Variants in LIPC observed in about 807,000 individuals in gnomAD.
The protein encoded by LIPC is hepatic triacylglycerol lipase.
Under a neutral mutation model 50.7 loss-of-function variants are expected in LIPC, and 44 were observed. That is an observed-to-expected ratio of 0.87 (90% confidence interval 0.68 to 1.11). LIPC has a LOEUF of 1.11. Ranked by LOEUF, LIPC falls within the 50% of genes most tolerant of loss-of-function variation. The pLI, the probability that LIPC is intolerant of heterozygous loss-of-function variation, is 0.00. For missense variants in LIPC, 697 were observed against 648.2 expected (o/e 1.08, Z -0.82); for synonymous variants, 271 against 256.4 (o/e 1.06, Z -0.54).
intron 1 of LIPC, among the ~76,000 whole-genome samples, chr15:58,506,009 A>C (rs751211308): frequency 8.6e-5 from 13 of 151,870 alleles, no homozygotes; most frequent in Non-Finnish European, 1.6e-4. Flanking sequence ...CTTGGGTCTC[A>C]TCCTTACTCA....
chr15:58,541,739 G>A lies in LIPC; in HGVS notation c.274-46G>A, dbSNP rs6076. ...AGCTGGAGAAGGAAGAAGGGTGAGC[G>A]GGGAGAAAGGAAACTAGTGCGACCC... On this transcript the variant is annotated intron_variant, in intron 2 of 8. Transcript: ENST00000299022. 0.22 allele frequency: 341,599 copies of A among 1,573,188 alleles called. 49,273 individuals carry two copies. The highest frequency in any genetic ancestry group is 0.79 in the East Asian group (35,100 of 44,312).
At chr15:58,540,943 G>A (rs1243735728) in intron 2 of LIPC, among the ~76,000 whole-genome samples, 1 of 152,068 alleles carries the variant, frequency 6.6e-6, no homozygotes, top group Non-Finnish European at 1.5e-5. Flanking sequence ...TGGGGCTAGA[G>A]GCATGCACCA....
intron 1 of LIPC, among the ~76,000 whole-genome samples, chr15:58,496,186 G>T (rs1346974895): frequency 6.6e-6 from 1 of 152,084 alleles, no homozygotes; most frequent in Non-Finnish European, 1.5e-5. Context: ...GGGCATCTTT[G>T]CTTGGCACAG....
At position 58,538,319 on chromosome 15, in the gene LIPC, A is replaced by G. The variant is rs370218629; in HGVS notation, c.89-14A>G. ...GATGCCAGGCTAAGCACCGTCCCCA[A>G]TCTTATATTGCAGAGCCATTTGGAA... On this transcript the variant is annotated splice_polypyrimidine_tract_variant and intron_variant, in intron 1 of 8. Coordinates refer to ENST00000299022, the MANE Select transcript of LIPC (RefSeq NM_000236.3). The G allele has an allele frequency of 1.6e-5, 26 of 1,613,920 alleles. No homozygotes were observed. In the Admixed American group the frequency reaches 3.2e-4, roughly 20 times the overall value.
intron 1 of LIPC, chr15:58,533,026 T>C (rs1242448004): frequency 3.4e-6 from 1 of 294,214 alleles, no homozygotes; most frequent in Non-Finnish European, 5.0e-6. Flanking sequence ...CCCTAGTCCA[T>C]CAACCCCTTT....
intron 1 of LIPC, among the ~76,000 whole-genome samples, chr15:58,464,009 A>G (rs1433248079): frequency 1.3e-5 from 2 of 152,220 alleles, no homozygotes; most frequent in African/African-American, 4.8e-5. Context: ...ATCAGTAAAT[A>G]GAACAGTAGA....
rs1224582155 is a variant in LIPC at position 58,548,350 on chromosome 15, T to C, written c.829T>C (p.Cys277Arg). 6.2e-7 allele frequency: 1 copy of C among 1,614,092 alleles called. No homozygotes were observed. Among genetic ancestry groups the C allele is most frequent in the East Asian group, 2.2e-5 (1 of 44,876 alleles). The change falls in exon 6 of 9, where the codon TGC (cysteine) becomes CGC (arginine). Residue 277 changes from cysteine to arginine, a missense_variant. Cys to Arg is a radical substitution (Grantham distance 180). Coordinates refer to ENST00000299022, the MANE Select transcript of LIPC (RefSeq NM_000236.3). The part of the protein sequence containing the change: ...GFNAITQTIK[C>R]SHERSVHLFI... ...TCCAGCCATCACCCAGACCATAAAATGCTCCCACGAGCGATCGGTGCACCT... is the reference window on the plus strand; with the variant it reads ...TCCAGCCATCACCCAGACCATAAAACGCTCCCACGAGCGATCGGTGCACCT...
intron 1 of LIPC, among the ~76,000 whole-genome samples, chr15:58,489,061 C>T (rs368790123): frequency 1.3e-5 from 2 of 151,880 alleles, no homozygotes; most frequent in African/African-American, 2.4e-5. Context: ...CTCTCTGGGC[C>T]GCCTTCTACT....
intron 1 of LIPC, chr15:58,435,477 T>A (rs1488723775): frequency 3.9e-5 from 1 of 25,502 alleles, no homozygotes; most frequent in Non-Finnish European, 7.5e-5. Flanking sequence ...TCAAATGGGG[T>A]GGGAGTGGGG....
intron 1 of LIPC, chr15:58,436,604 G>A: frequency 2.6e-6 from 1 of 383,992 alleles, no homozygotes; most frequent in Non-Finnish European, 5.2e-6. Context: ...TAGAGCAGAG[G>A]GTCATTAAAA....
chr15:58,561,381 A>C (rs1299910581), intron 7 of LIPC, among the ~76,000 whole-genome samples: 3 of 152,192 alleles, frequency 2.0e-5, no homozygotes, highest in Non-Finnish European at 4.4e-5. Flanking sequence ...TCTGATTGGC[A>C]TTGGTTGAAT....
chr15:58,467,161 T>C (rs1894597131), intron 1 of LIPC, among the ~76,000 whole-genome samples: 1 of 152,330 alleles, frequency 6.6e-6, no homozygotes, highest in East Asian at 1.9e-4. Context: ...ATAAATCCAG[T>C]AGACCAATGA....
chr15:58,530,135 G>C (rs554121955), intron 1 of LIPC, among the ~76,000 whole-genome samples: 1 of 152,228 alleles, frequency 6.6e-6, no homozygotes. Context: ...TGAAATGCAG[G>C]CTGGGTGCAG....
chr15:58,448,270 G>C (rs1595856286), intron 1 of LIPC, among the ~76,000 whole-genome samples: 1 of 152,210 alleles, frequency 6.6e-6, no homozygotes, highest in East Asian at 1.9e-4. Flanking sequence ...AGGTTTCTAA[G>C]CAGTTTCCAA....
At chr15:58,505,047 A>G (rs1338501070) in intron 1 of LIPC, among the ~76,000 whole-genome samples, 1 of 152,276 alleles carries the variant, frequency 6.6e-6, no homozygotes, top group East Asian at 1.9e-4. Context: ...CCACCAAGGC[A>G]AAGAGAATGG....
At chr15:58,566,785 T>A (rs1409031386) in intron 8 of LIPC, among the ~76,000 whole-genome samples, 4 of 152,156 alleles carry the variant, frequency 2.6e-5, no homozygotes, top group Non-Finnish European at 5.9e-5. Flanking sequence ...ACAGTACTCA[T>A]ATAAATGCAA....
At chr15:58,553,423 C>A (rs1893828999) in intron 6 of LIPC, among the ~76,000 whole-genome samples, 1 of 152,178 alleles carries the variant, frequency 6.6e-6, no homozygotes, top group Non-Finnish European at 1.5e-5. Flanking sequence ...AAGCAAGACG[C>A]CATCTCTACA....
At chr15:58,564,681 C>G (rs756297553) in intron 8 of LIPC, among the ~76,000 whole-genome samples, 1 of 152,038 alleles carries the variant, frequency 6.6e-6, no homozygotes, top group African/African-American at 2.4e-5. Flanking sequence ...TAGCCGAGAT[C>G]GCGGCATTGC....
At chr15:58,548,604 G>T (rs1378356870) in intron 6 of LIPC, 32 bp downstream of exon 6, 1 of 1,575,496 alleles carries the variant, frequency 6.3e-7, no homozygotes, top group Non-Finnish European at 8.6e-7. Flanking sequence ...CTTCAGAAGG[G>T]CAGGATGCAG....
Sources: allele counts gnomAD v4.1 joint callset (sites outside exome capture counted in the v4.1 genomes callset), GRCh38; gene constraint gnomAD v4.1.1; transcripts MANE v1.5; gene names NCBI Gene and HGNC (gene_info 2026-07-23, HGNC 2026-07-21).